The following LRP2 variants were observed in gnomAD, a reference collection of about 807,000 sequenced individuals.
LRP2 encodes LDL receptor related protein 2, also known as low-density lipoprotein receptor-related protein 2.
LRP2 carries 172 observed loss-of-function variants against 531.0 expected under a neutral mutation model. The ratio of observed to expected loss-of-function variants is 0.32; its 90% CI spans 0.29 to 0.37. The LOEUF is 0.37. Among genes scored for constraint, LRP2 ranks in the 10% least tolerant of loss-of-function variants. LRP2 has a pLI of 1.00. For synonymous variants in LRP2, 1,992 were observed against 2,027.6 expected (o/e 0.98, Z 0.47); for missense variants, 5,167 against 5,868.3 (o/e 0.88, Z 3.90).
At chr2:169,345,746 G>A (rs1231033134) in intron 1 of LRP2, among the ~76,000 whole-genome samples, 1 of 128,088 alleles carries the variant, frequency 7.8e-6, no homozygotes, top group African/African-American at 3.5e-5. Flanking sequence ...AGGAAAAGAG[G>A]GGGCGGTCAA....
At chr2:169,285,596 T>C (rs150237407) in intron 9 of LRP2, among the ~76,000 whole-genome samples, 3 of 152,250 alleles carry the variant, frequency 2.0e-5, no homozygotes, top group African/African-American at 7.2e-5. Flanking sequence ...TGAAAATGAC[T>C]CAAAAACCCC....
At chr2:169,153,718 A>G (rs1353268807) in intron 66 of LRP2, among the ~76,000 whole-genome samples, 1 of 152,210 alleles carries the variant, frequency 6.6e-6, no homozygotes, top group African/African-American at 2.4e-5. Context: ...CAAAGCTAGT[A>G]GATAAGGGAG....
At chr2:169,322,104 T>C (rs1684923531) in intron 1 of LRP2, among the ~76,000 whole-genome samples, 1 of 152,246 alleles carries the variant, frequency 6.6e-6, no homozygotes, top group African/African-American at 2.4e-5. Flanking sequence ...CTTCCCCATG[T>C]ATTTAAGCAA....
chr2:169,276,010 G>T (rs1436527065), intron 13 of LRP2, among the ~76,000 whole-genome samples: 1 of 151,798 alleles, frequency 6.6e-6, no homozygotes, highest in Non-Finnish European at 1.5e-5. Flanking sequence ...TCTTTATTTT[G>T]GCGTAATACA....
intron 76 of LRP2, among the ~76,000 whole-genome samples, chr2:169,136,825 A>C (rs192517252): frequency 2.0e-4 from 31 of 152,310 alleles, no homozygotes; most frequent in African/African-American, 7.0e-4. Flanking sequence ...AAGATGACTG[A>C]GCAACAAGGC....
intron 31 of LRP2, among the ~76,000 whole-genome samples, chr2:169,227,571 A>C (rs928533635): frequency 6.6e-6 from 1 of 152,206 alleles, no homozygotes; most frequent in Non-Finnish European, 1.5e-5. Context: ...ACATATTAAG[A>C]CAAAGTATGA....
chr2:169,305,676 T>C (rs1409697560), intron 4 of LRP2, among the ~76,000 whole-genome samples: 2 of 152,152 alleles, frequency 1.3e-5, no homozygotes, highest in East Asian at 3.9e-4. Context: ...TTCTTGAAGT[T>C]TGAAATATAA....
In LRP2 at chr2:169,151,004, T is replaced by G. The variant is rs375699810; in HGVS notation, c.12484A>C (p.Lys4162Gln). 1 of 1,614,050 alleles carries G rather than the reference T, an allele frequency of 6.2e-7. No individual in the cohort carries two copies. Among genetic ancestry groups the G allele is most frequent in the Non-Finnish European group, 8.5e-7 (1 of 1,179,924 alleles). The change falls in exon 68 of 79, where the codon AAG (lysine) becomes CAG (glutamine). Residue 4162 changes from lysine (K) to glutamine (Q), a missense_variant. Physicochemically the swap from Lys to Gln is moderately conservative, Grantham distance 53. Coordinates refer to ENST00000649046, the MANE Select transcript of LRP2 (RefSeq NM_004525.3). Reference protein sequence around the residue: ...VGRHIYWSDVKNKRIEVAKLD... With the variant: ...VGRHIYWSDVQNKRIEVAKLD... Reference sequence around the variant, plus strand: ...TTAGCCACCTCAATGCGTTTATTCTTGACATCTGACCAGTAAATATGCCTG... The same window carrying G: ...TTAGCCACCTCAATGCGTTTATTCTGGACATCTGACCAGTAAATATGCCTG...
At chr2:169,350,227 C>T (rs1438546602) in intron 1 of LRP2, among the ~76,000 whole-genome samples, 1 of 152,162 alleles carries the variant, frequency 6.6e-6, no homozygotes, top group Non-Finnish European at 1.5e-5. Flanking sequence ...AGAAATTCCA[C>T]ATGGAAAGCA....
In LRP2 at chr2:169,169,626, G is replaced by A. The variant is rs148725369; in HGVS notation, c.11497+76C>T. Reference sequence around the variant, plus strand: ...CTTATGGCCTTTTAATCTAAGAAGCGGCAGCGGACTGATGTCTAAACTATC... The same window carrying A: ...CTTATGGCCTTTTAATCTAAGAAGCAGCAGCGGACTGATGTCTAAACTATC... On this transcript the variant is annotated intron_variant, in intron 60 of 78. Coordinates refer to ENST00000649046, the MANE Select transcript of LRP2 (RefSeq NM_004525.3). 10,358 of 1,082,984 alleles carry A rather than the reference G, an allele frequency of 9.6e-3. 68 individuals carry two copies. The highest frequency in any genetic ancestry group is 0.028 in the Middle Eastern group (139 of 5,016). 67.1% of individuals were successfully genotyped at this position (1,082,984 alleles called of 1,614,324 possible).
Position 169,182,635 on chromosome 2 carries a change from G to A in LRP2, c.9846-316C>T, listed in dbSNP as rs545244858. 4.1e-6 allele frequency: 4 copies of A among 985,364 alleles called. No individual in the cohort carries two copies. In the Admixed American group the frequency reaches 2.5e-4, roughly 61 times the overall value. The allele number at this position is 985,364 out of a possible 1,614,324, so 61.0% of individuals were successfully genotyped here. ...AGGCACCCTCTCCAGGCAGTGCAAA[G>A]GCTTAGCAGAACAGGGAAGCAGAGG... On this transcript the variant is annotated intron_variant, in intron 50 of 78. Coordinates refer to ENST00000649046, the MANE Select transcript of LRP2 (RefSeq NM_004525.3).
chr2:169,330,960 T>C (rs1381356124), intron 1 of LRP2, among the ~76,000 whole-genome samples: 1 of 152,052 alleles, frequency 6.6e-6, no homozygotes, highest in African/African-American at 2.4e-5. Context: ...GATTGGGCAA[T>C]CTCACGCTGC....
chr2:169,260,225 G>C (rs1310818332), intron 16 of LRP2, among the ~76,000 whole-genome samples: 1 of 152,144 alleles, frequency 6.6e-6, no homozygotes, highest in African/African-American at 2.4e-5. Context: ...ACTAGGCCAA[G>C]AGACAAAAAT....
chr2:169,219,129 T>C (rs1199598835), intron 34 of LRP2, among the ~76,000 whole-genome samples: 2 of 152,162 alleles, frequency 1.3e-5, no homozygotes, highest in African/African-American at 2.4e-5. Flanking sequence ...GTCCTTCTTC[T>C]AGAAAGAATA....
At chr2:169,194,884 G>T (rs1208077081) in intron 46 of LRP2, among the ~76,000 whole-genome samples, 2 of 151,904 alleles carry the variant, frequency 1.3e-5, no homozygotes, top group African/African-American at 4.8e-5. Context: ...GCTAATTCTT[G>T]TGTTTTTAGT....
At chr2:169,186,566 C>T (rs537969282) in intron 49 of LRP2, among the ~76,000 whole-genome samples, 2 of 152,334 alleles carry the variant, frequency 1.3e-5, no homozygotes, top group East Asian at 3.9e-4. Flanking sequence ...TAGTTCTCTA[C>T]TCATCAAGGA....
intron 1 of LRP2, among the ~76,000 whole-genome samples, chr2:169,342,821 A>G (rs755968309): frequency 6.6e-6 from 1 of 152,232 alleles, no homozygotes; most frequent in Non-Finnish European, 1.5e-5. Context: ...AAAGAAATAC[A>G]TCAGTGATTA....
intron 1 of LRP2, among the ~76,000 whole-genome samples, chr2:169,322,200 T>G (rs1041905590): frequency 6.6e-6 from 1 of 152,146 alleles, no homozygotes; most frequent in Non-Finnish European, 1.5e-5. Context: ...CTAAAATAAA[T>G]AAGCAATGTG....
intron 1 of LRP2, among the ~76,000 whole-genome samples, chr2:169,356,494 A>G (rs915839810): frequency 2.6e-5 from 4 of 152,256 alleles, no homozygotes; most frequent in African/African-American, 9.6e-5. Flanking sequence ...TTGCCTTTGC[A>G]TAACCACCCC....
Sources: gnomAD v4.1 joint callset for allele counts (sites outside exome capture counted in the v4.1 genomes callset) on GRCh38, gnomAD v4.1.1 for gene constraint, MANE v1.5 for transcripts, NCBI Gene and HGNC (gene_info 2026-07-23, HGNC 2026-07-21) for gene names.